OR11A1: variants seen among roughly 807,000 people sequenced by gnomAD.
OR11A1 encodes olfactory receptor 11A1.
For missense variants in OR11A1, 380 were observed against 378.2 expected, an observed-to-expected ratio of 1.00 and a Z score of -0.04; for synonymous variants, 158 against 152.2, an observed-to-expected ratio of 1.04 and a Z score of -0.28.
intron 1 of OR11A1, among the ~76,000 whole-genome samples, chr6:29,448,626 G>A (rs927284419): frequency 6.6e-6 from 1 of 152,200 alleles, no homozygotes; most frequent in Non-Finnish European, 1.5e-5. Flanking sequence ...GAGTTGGCCA[G>A]TTCTGGCAAT....
At chr6:29,432,972 T>C (rs1360765485) in intron 1 of OR11A1, among the ~76,000 whole-genome samples, 1 of 152,206 alleles carries the variant, frequency 6.6e-6, no homozygotes, top group African/African-American at 2.4e-5. Flanking sequence ...CAGCAGCATA[T>C]GCTAAAAGGT....
At position 29,437,475 on chromosome 6, in the gene OR11A1, G is replaced by C. The variant is rs369905417; in HGVS notation, c.-388-5488C>G. 3.3e-5 allele frequency among the ~76,000 whole-genome samples: 5 copies of C among 150,308 alleles called. No individual in the cohort carries two copies. The East Asian group carries it at 7.7e-4, about 23-fold the overall frequency. On this transcript the variant is annotated intron_variant, in intron 1 of 4. Coordinates refer to ENST00000377149, the MANE Select transcript of OR11A1 (RefSeq NM_001394828.1). ...AAACCCATATTCAACTTTCCCACTT[G>C]TTCCAAATCTTTTTTATAGTTGTTT... is the stretch of plus-strand genomic sequence containing the variant.
At chr6:29,447,606 C>T (rs1447300196) in intron 1 of OR11A1, among the ~76,000 whole-genome samples, 1 of 152,176 alleles carries the variant, frequency 6.6e-6, no homozygotes, top group African/African-American at 2.4e-5. Flanking sequence ...TACAGGGGTG[C>T]GTCCCAATTG....
rs1252818814 is a variant in OR11A1, at chr6:29,425,607, C to T, written c.*1087G>A. On this transcript the variant is annotated 3_prime_UTR_variant, in exon 5 of 5. Coordinates refer to ENST00000377149, the MANE Select transcript of OR11A1 (RefSeq NM_001394828.1). ...CTTACACAACATAATAGTTATACAA[C>T]ATCTGGAATTTGCCCTAAAATTTTC... 6.6e-6 allele frequency: 1 copy of T among 152,134 alleles called. No homozygotes were observed. The highest frequency in any genetic ancestry group is 1.9e-4 in the East Asian group (1 of 5,202). The allele number at this position is 152,134 out of a possible 1,614,324, so 9.4% of individuals were successfully genotyped here.
At chr6:29,447,635 A>G (rs1230488442) in intron 1 of OR11A1, among the ~76,000 whole-genome samples, 2 of 152,254 alleles carry the variant, frequency 1.3e-5, no homozygotes, top group Non-Finnish European at 2.9e-5. Context: ...AATGCAGGCC[A>G]TATACTCTTT....
At chr6:29,451,599 C>T (rs906807835) in intron 1 of OR11A1, among the ~76,000 whole-genome samples, 1 of 152,126 alleles carries the variant, frequency 6.6e-6, no homozygotes, top group African/African-American at 2.4e-5. Flanking sequence ...CCCAATATCA[C>T]TATTCATTAG....
Position 29,453,980 on chromosome 6 carries a change from T to C in OR11A1, c.-389+3007A>G, listed in dbSNP as rs1212921316. ...GGGATCCAAGATTTTAAAATATGAA[T>C]TTTTAAGAGCTAGGTTGAGACCATG... On this transcript the variant is annotated intron_variant, in intron 1 of 4. Transcript: ENST00000377149. This position sits in a 1 kb window ranked among gnomAD's most constrained non-coding sequence, Gnocchi z 4.5. Among the ~76,000 whole-genome samples the C allele has an allele frequency of 1.3e-5, 2 of 152,152 alleles. No individual in the cohort carries two copies. The highest frequency in any genetic ancestry group is 1.3e-4 in the Admixed American group (2 of 15,272).
chr6:29,428,336 G>C (rs1293660904), intron 4 of OR11A1: 1 of 985,444 alleles, frequency 1.0e-6, no homozygotes, highest in African/African-American at 1.7e-5. Context: ...GAAGGAAGTA[G>C]GTGCCATGGG....
chr6:29,442,648 C>G (rs574128298), intron 1 of OR11A1, among the ~76,000 whole-genome samples: 6 of 152,188 alleles, frequency 3.9e-5, no homozygotes, highest in Non-Finnish European at 7.4e-5. Flanking sequence ...AAATGTAAAG[C>G]GAAAAGACAA....
intron 1 of OR11A1, among the ~76,000 whole-genome samples, chr6:29,446,741 A>G (rs1784815059): frequency 6.6e-6 from 1 of 152,218 alleles, no homozygotes; most frequent in Admixed American, 6.5e-5. Flanking sequence ...CCTGAAAAAA[A>G]CATGGTTGAT....
intron 1 of OR11A1, among the ~76,000 whole-genome samples, chr6:29,438,471 T>C (rs1783822729): frequency 6.9e-6 from 1 of 144,506 alleles, no homozygotes; most frequent in Non-Finnish European, 1.5e-5. Context: ...TATATCAATA[T>C]ACATAAGAAG....
chr6:29,445,817 C>G (rs1283144869), intron 1 of OR11A1, among the ~76,000 whole-genome samples: 1 of 152,204 alleles, frequency 6.6e-6, no homozygotes, highest in African/African-American at 2.4e-5. Context: ...GCCAGCCTCT[C>G]TGCCTCTCTA....
At chr6:29,449,794 G>A (rs11968109) in intron 1 of OR11A1, among the ~76,000 whole-genome samples, 4,580 of 152,072 alleles carry the variant, frequency 0.03, 155 homozygotes, top group African/African-American at 0.09. Flanking sequence ...GCACCACCAC[G>A]TCCAGCCAAT....
Position 29,426,980 on chromosome 6 carries a change from C to T in OR11A1, c.662G>A (p.Arg221Lys). ...PFGLILTSYA[R>K]IVVAVLRVPA... Reference sequence around the variant, plus strand: ...AACTCTCAGCACTGCCACCACAATTCTGGCATAAGATGTCAGAATCAGTCC... The same window carrying T: ...AACTCTCAGCACTGCCACCACAATTTTGGCATAAGATGTCAGAATCAGTCC... The change falls in exon 5 of 5, where the codon AGA becomes AAA. Residue 221 changes from arginine to lysine, a missense_variant. Physicochemically the swap from Arg to Lys is conservative, Grantham distance 26 (BLOSUM62 2). Transcript: ENST00000377149. 1 of 1,613,046 alleles carries T rather than the reference C, an allele frequency of 6.2e-7. No individual in the cohort carries two copies.
chr6:29,456,116 G>C (rs1346727478), intron 1 of OR11A1, among the ~76,000 whole-genome samples: 2 of 151,646 alleles, frequency 1.3e-5, no homozygotes, highest in Admixed American at 6.6e-5. Flanking sequence ...TATAATCCCA[G>C]CTACTCAGGA....
At chr6:29,432,879 T>A (rs1164212711) in intron 1 of OR11A1, among the ~76,000 whole-genome samples, 1 of 152,204 alleles carries the variant, frequency 6.6e-6, no homozygotes, top group Non-Finnish European at 1.5e-5. Context: ...CGTTGTCTAC[T>A]ATCTGTAGTT....
intron 1 of OR11A1, among the ~76,000 whole-genome samples, chr6:29,446,401 C>T (rs1451766889): frequency 6.6e-6 from 1 of 152,072 alleles, no homozygotes; most frequent in Non-Finnish European, 1.5e-5. Flanking sequence ...CTACCATAAC[C>T]ACCACCTGGT....
rs950253857 is a variant in OR11A1 at position 29,425,739 on chromosome 6, G to A, written c.*955C>T. 1.3e-5 allele frequency: 2 copies of A among 152,132 alleles called. No individual in the cohort carries two copies. Among genetic ancestry groups the A allele is most frequent in the Non-Finnish European group, 2.9e-5 (2 of 68,006 alleles). The allele number at this position is 152,132 out of a possible 1,614,324, so 9.4% of individuals were successfully genotyped here. A position where few individuals can be genotyped will look rare whatever the true frequency, so the allele number is the denominator to read the frequency against. On this transcript the variant is annotated 3_prime_UTR_variant, in exon 5 of 5. Coordinates refer to ENST00000377149, the MANE Select transcript of OR11A1 (RefSeq NM_001394828.1). ...CATGGAGTACATGGGGGTTCACTGT[G>A]CTCTTCTCTTTTATGTATGTTTGAA...
chr6:29,443,036 G>A (rs1784360050), intron 1 of OR11A1, among the ~76,000 whole-genome samples: 1 of 152,014 alleles, frequency 6.6e-6, no homozygotes, highest in South Asian at 2.1e-4. Flanking sequence ...GAAACTCTCA[G>A]AGGGATCATT....
Sources: gnomAD v4.1 joint callset for allele counts (sites outside exome capture counted in the v4.1 genomes callset) on GRCh38, gnomAD v4.1.1 for gene constraint, Gnocchi (gnomAD v3.1) non-coding constraint, MANE v1.5 for transcripts, NCBI Gene and HGNC (gene_info 2026-07-23, HGNC 2026-07-21) for gene names.